The following STARD13 variants were observed in gnomAD, a reference collection of about 807,000 sequenced individuals.
The protein encoded by STARD13 is StAR related lipid transfer domain containing 13, also known as stAR-related lipid transfer protein 13.
A neutral mutation model predicts 106.4 loss-of-function variants in STARD13; 62 were observed. The observed-to-expected ratio is 0.58, with a 90% CI of 0.48 to 0.72. STARD13 has a LOEUF of 0.72. STARD13 is among the 30% of genes least tolerant of loss of function. The pLI, the probability that STARD13 is intolerant of heterozygous loss-of-function variation, is 0.00. For synonymous variants in STARD13, 565 were observed against 553.0 expected (o/e 1.02, Z -0.31); for missense variants, 1,387 against 1,424.0 (o/e 0.97, Z 0.42).
At chr13:33,386,647 T>C in the STARD13 span, among the ~76,000 whole-genome samples, 1 of 152,168 alleles carries the variant, frequency 6.6e-6, no homozygotes, top group African/African-American at 2.4e-5. Context: ...TCTCTTTCTG[T>C]TCTCTCATCA....
intron 7 of STARD13, among the ~76,000 whole-genome samples, chr13:33,123,054 T>TGA (rs1344379964): frequency 1.9e-4 from 2 of 10,462 alleles, no homozygotes; most frequent in Non-Finnish European, 3.8e-4. Flanking sequence ...AGACTCCATC[T>TGA]CAAAAAAAAA....
intron 7 of STARD13, among the ~76,000 whole-genome samples, chr13:33,120,372 C>T (rs1400806737): frequency 2.0e-5 from 3 of 152,276 alleles, no homozygotes; most frequent in African/African-American, 2.4e-5. Flanking sequence ...ATTTCTTTCT[C>T]GTTTCAGCAA....
At chr13:33,216,528 A>G (rs892008376) in intron 1 of STARD13, among the ~76,000 whole-genome samples, 9 of 152,166 alleles carry the variant, frequency 5.9e-5, no homozygotes, top group African/African-American at 1.7e-4. Context: ...ATGCAAAGGC[A>G]TAAGAATGAC....
the STARD13 span, among the ~76,000 whole-genome samples, chr13:33,373,729 A>G: frequency 1.3e-5 from 2 of 152,108 alleles, no homozygotes; most frequent in African/African-American, 2.4e-5. Flanking sequence ...ATTCAAAACT[A>G]CAGTGAAATA....
Position 33,296,647 on chromosome 13 carries a change from T to C in STARD13, c.124+53643A>G, listed in dbSNP as rs1171713515. ...TTCAACTTTTTTTTGAGATGGAGTT[T>C]TGCTCTTGTCATCCAGGCTGGAGTG... is the stretch of plus-strand genomic sequence containing the variant. On this transcript the variant is annotated intron_variant, in intron 1 of 5. Coordinates refer to the STARD13 transcript ENST00000567873. Among the ~76,000 whole-genome samples, 4 of 152,182 alleles carry C rather than the reference T, an allele frequency of 2.6e-5. No homozygotes were observed. In the East Asian group the frequency reaches 7.7e-4, roughly 29 times the overall value.
the STARD13 span, among the ~76,000 whole-genome samples, chr13:33,580,233 A>G: frequency 2.6e-5 from 4 of 152,134 alleles, no homozygotes; most frequent in African/African-American, 9.7e-5. Flanking sequence ...GTGATTATCA[A>G]TCCACAAAAA....
At chr13:33,310,367 C>T (rs554066114) in intron 1 of STARD13, among the ~76,000 whole-genome samples, 10 of 152,150 alleles carry the variant, frequency 6.6e-5, no homozygotes, top group Non-Finnish European at 1.2e-4. Flanking sequence ...CACCCTCCAG[C>T]CTTCTTCTTT....
intron 1 of STARD13, among the ~76,000 whole-genome samples, chr13:33,339,521 G>C (rs888938682): frequency 4.6e-5 from 7 of 152,142 alleles, no homozygotes; most frequent in African/African-American, 1.7e-4. Context: ...TTATATGTAT[G>C]ATATCCCAAA....
the STARD13 span, among the ~76,000 whole-genome samples, chr13:33,486,402 C>A: frequency 6.6e-6 from 1 of 152,000 alleles, no homozygotes; most frequent in African/African-American, 2.4e-5. Flanking sequence ...CTATATGTAC[C>A]TACCTATGAT....
the STARD13 span, among the ~76,000 whole-genome samples, chr13:33,500,889 T>G: frequency 6.6e-6 from 1 of 151,978 alleles, no homozygotes; most frequent in Non-Finnish European, 1.5e-5. Flanking sequence ...ATTTAAACAA[T>G]GGAGATAACC....
the STARD13 span, among the ~76,000 whole-genome samples, chr13:33,569,931 G>T: frequency 6.8e-6 from 1 of 147,216 alleles, no homozygotes; most frequent in African/African-American, 2.5e-5. Context: ...GGTGGGAGCG[G>T]GATGAGGGAT....
At chr13:33,165,593 G>C (rs148502927) in intron 2 of STARD13, among the ~76,000 whole-genome samples, 175 bp from the exon 3 acceptor site, 1 of 152,332 alleles carries the variant, frequency 6.6e-6, no homozygotes, top group African/African-American at 2.4e-5. Flanking sequence ...ATGCTTTTAG[G>C]AGTACAATAT....
the STARD13 span, among the ~76,000 whole-genome samples, chr13:33,391,267 G>A: frequency 1.3e-5 from 2 of 152,136 alleles, no homozygotes; most frequent in South Asian, 2.1e-4. Flanking sequence ...TCAGCAAGAC[G>A]AAACCCTTCA....
chr13:33,612,516 C>T, the STARD13 span, among the ~76,000 whole-genome samples: 1 of 152,174 alleles, frequency 6.6e-6, no homozygotes, highest in Admixed American at 6.5e-5. Context: ...AGCCCCTACT[C>T]CCTGCCTCAT....
At chr13:33,232,141 T>C (rs1230046058) in intron 1 of STARD13, among the ~76,000 whole-genome samples, 2 of 152,030 alleles carry the variant, frequency 1.3e-5, no homozygotes, top group African/African-American at 2.4e-5. Context: ...GGTGAAACCC[T>C]GTCTATACTA....
chr13:33,442,463 A>G, the STARD13 span, among the ~76,000 whole-genome samples: 1 of 152,238 alleles, frequency 6.6e-6, no homozygotes, highest in African/African-American at 2.4e-5. Flanking sequence ...AGAATATTTG[A>G]CAAAAGTATG....
chr13:33,629,981 C>A, the STARD13 span, among the ~76,000 whole-genome samples: 4 of 152,114 alleles, frequency 2.6e-5, no homozygotes, highest in Non-Finnish European at 5.9e-5. Flanking sequence ...ACGTCAAAGG[C>A]AAATGAAAGC....
At chr13:33,281,902 C>T (rs530751222) in intron 1 of STARD13, among the ~76,000 whole-genome samples, 17 of 152,076 alleles carry the variant, frequency 1.1e-4, no homozygotes, top group Middle Eastern at 3.4e-3. Flanking sequence ...AGATGGATGG[C>T]GGTGATGGTT....
chr13:33,350,508 G>A (rs1418848366), exon 1 of STARD13: 12 of 1,455,164 alleles, frequency 8.2e-6, no homozygotes, highest in African/African-American at 1.5e-5. Flanking sequence ...GGACGGACGC[G>A]GCACTCCCGC....
Sources: allele counts gnomAD v4.1 joint callset (sites outside exome capture counted in the v4.1 genomes callset), GRCh38; gene constraint gnomAD v4.1.1; transcripts MANE v1.5; gene names NCBI Gene and HGNC (gene_info 2026-07-23, HGNC 2026-07-21).